Variants in TRPM2 observed in about 807,000 individuals in gnomAD.
TRPM2 encodes estrogen-responsive element-associated gene 1 protein.
Under a neutral mutation model 174.0 loss-of-function variants are expected in TRPM2, and 161 were observed. That is an observed-to-expected ratio of 0.93 (90% CI 0.81 to 1.05). TRPM2 has a LOEUF of 1.05. TRPM2 is among the 50% of genes least tolerant of loss of function. The probability of loss-of-function intolerance (pLI) is 0.00; values close to 1 mark genes in which losing one functional copy is unlikely to be tolerated. For synonymous variants in TRPM2, 954 were observed against 861.3 expected (o/e 1.11, Z -1.88); for missense variants, 2,057 against 2,038.0 (o/e 1.01, Z -0.18).
chr21:44,441,545 C>G, intron 31 of TRPM2, 147 bp from the exon 32 acceptor site: 1 of 1,154,186 alleles, frequency 8.7e-7, no homozygotes, highest in Middle Eastern at 3.0e-4. Flanking sequence ...CTCTGGTGCA[C>G]CTGACGCAGG....
chr21:44,368,687 C>A (rs2048432488), intron 4 of TRPM2, among the ~76,000 whole-genome samples: 1 of 152,142 alleles, frequency 6.6e-6, no homozygotes, highest in Non-Finnish European at 1.5e-5. Flanking sequence ...CCGCCTCGGC[C>A]TCCCAAAGTG....
rs372408072 is a variant in TRPM2 at position 44,382,687 on chromosome 21, G to C, written c.1216-31G>C. 86 of 1,597,926 alleles carry C rather than the reference G, an allele frequency of 5.4e-5. No individual in the cohort carries two copies. In the Middle Eastern group the frequency reaches 1.3e-3, roughly 25 times the overall value. ...AGGAGGCAGGGGTTCAGGAGTCACT[G>C]TGTGTCTCACTTAGAAAATGCTTGT... is the stretch of plus-strand genomic sequence containing the variant. On this transcript the variant is annotated intron_variant, in intron 8 of 31. Coordinates refer to ENST00000397928, the MANE Select transcript of TRPM2 (RefSeq NM_003307.4).
chr21:44,421,482 C>A (rs2838559), intron 22 of TRPM2, among the ~76,000 whole-genome samples: 44,687 of 151,826 alleles, frequency 0.29, 7,867 homozygotes, highest in African/African-American at 0.5. Flanking sequence ...TAAAATATAA[C>A]TTTGCAGGCC....
chr21:44,362,351 A>AAAAAAAAAAG (rs1169576592), intron 2 of TRPM2, among the ~76,000 whole-genome samples: 1 of 147,766 alleles, frequency 6.8e-6, no homozygotes, highest in Non-Finnish European at 1.5e-5. Context: ...AAAAATACAA[A>AAAAAAAAAAG]AAAAAAAAAA....
Position 44,375,931 on chromosome 21 carries a change from G to A in TRPM2, c.870G>A (p.Gly290=). The A allele has an allele frequency of 6.2e-7, 1 of 1,614,130 alleles. No individual in the cohort carries two copies. Among genetic ancestry groups the A allele is most frequent in the Non-Finnish European group, 8.5e-7 (1 of 1,180,020 alleles). The change falls in exon 6 of 32, where the codon GGG becomes GGA. Residue 290 remains glycine (G), a synonymous_variant. Coordinates refer to ENST00000397928, the MANE Select transcript of TRPM2 (RefSeq NM_003307.4). The part of the protein sequence containing the change: ...NHSHFILVDD[G]THGQYGVEIP... Reference sequence around the variant, plus strand: ...CTCACTTCATCCTCGTGGACGACGGGACCCACGGCCAGTACGGGGTGGAGA... The same window carrying A: ...CTCACTTCATCCTCGTGGACGACGGAACCCACGGCCAGTACGGGGTGGAGA...
rs1275969001 is a variant in TRPM2, at chr21:44,376,256, G to A, written c.952+243G>A. On this transcript the variant is annotated intron_variant, in intron 6 of 31. Transcript: ENST00000397928. The surrounding 1 kb of genome is among the most constrained non-coding windows in gnomAD (Gnocchi z 4.2). Reference sequence around the variant, plus strand: ...CACAACCAGGATGTTCATGGTACTCGGAACGTCCTCAGAACACACCTGGGT... The same window carrying A: ...CACAACCAGGATGTTCATGGTACTCAGAACGTCCTCAGAACACACCTGGGT... Among the ~76,000 whole-genome samples the A allele has an allele frequency of 7.2e-5, 11 of 152,162 alleles. No individual in the cohort carries two copies. The East Asian group carries it at 1.3e-3, about 19-fold the overall frequency.
chr21:44,404,257 A>AT (rs2049771082), intron 16 of TRPM2, among the ~76,000 whole-genome samples: 1 of 152,062 alleles, frequency 6.6e-6, no homozygotes, highest in Non-Finnish European at 1.5e-5. Flanking sequence ...ACATGCATAC[A>AT]TACACAATAC....
At chr21:44,397,662 T>G in intron 12 of TRPM2, 85 bp from the exon 13 acceptor site, 1 of 1,443,748 alleles carries the variant, frequency 6.9e-7, no homozygotes, top group South Asian at 1.6e-5. Context: ...GGGCCTCGTT[T>G]TCATCACCTG....
chr21:44,405,557 T>G (rs1270874443), intron 17 of TRPM2, among the ~76,000 whole-genome samples: 1 of 152,120 alleles, frequency 6.6e-6, no homozygotes, highest in Non-Finnish European at 1.5e-5. Context: ...GGCTGCCGCT[T>G]TCTCCCTCTG....
At chr21:44,413,391 C>T (rs527939844) in intron 19 of TRPM2, among the ~76,000 whole-genome samples, 19 of 152,102 alleles carry the variant, frequency 1.2e-4, no homozygotes, top group Non-Finnish European at 2.1e-4. Flanking sequence ...TATAGGCGCC[C>T]GCCACCATGC....
At chr21:44,359,429 C>T (rs2048149676) in intron 2 of TRPM2, among the ~76,000 whole-genome samples, 1 of 151,774 alleles carries the variant, frequency 6.6e-6, no homozygotes, top group African/African-American at 2.4e-5. Flanking sequence ...GGTGCACATC[C>T]GGGAGGAATT....
At position 44,399,222 on chromosome 21, in the gene TRPM2, T is replaced by C. The variant is rs1178559644; in HGVS notation, c.2063-74T>C. The C allele has an allele frequency of 2.6e-6, 4 of 1,534,128 alleles. No homozygotes were observed. The African/African-American group carries it at 5.5e-5, about 21-fold the overall frequency. On this transcript the variant is annotated intron_variant, in intron 13 of 31. Transcript: ENST00000397928. This position sits in a 1 kb window ranked among gnomAD's most constrained non-coding sequence, Gnocchi z 4.6. ...TCCTGGTGGTGCTGTCCCGAGTGGT[T>C]GCCCTCTGACCCGTCCCCAGGGCTC...
At position 44,440,810 on chromosome 21, in the gene TRPM2, G is replaced by A. The variant is rs373263494; in HGVS notation, c.4291G>A (p.Asp1431Asn). Reference protein sequence around the residue: ...GMEVYKGYMDDPRNTDNAWIE... With the variant: ...GMEVYKGYMDNPRNTDNAWIE... Reference sequence around the variant, plus strand: ...CCAGGTGTACAAAGGCTACATGGATGACCCGAGGAACACGGACAATGCCTG... The same window carrying A: ...CCAGGTGTACAAAGGCTACATGGATAACCCGAGGAACACGGACAATGCCTG... The change falls in exon 31 of 32, where the codon GAC becomes AAC. Residue 1431 changes from aspartate to asparagine, a missense_variant. Transcript: ENST00000397928. The A allele has an allele frequency of 2.5e-6, 4 of 1,613,840 alleles. No homozygotes were observed. The highest frequency in any genetic ancestry group is 3.4e-6 in the Non-Finnish European group (4 of 1,179,954).
intron 27 of TRPM2, among the ~76,000 whole-genome samples, chr21:44,434,034 G>A (rs949682156): frequency 9.3e-5 from 14 of 151,278 alleles, no homozygotes; most frequent in African/African-American, 3.4e-4. Context: ...GAGGTGGTCA[G>A]CTGTCCTGGG....
intron 7 of TRPM2, among the ~76,000 whole-genome samples, chr21:44,378,584 G>T (rs2048779254): frequency 6.6e-6 from 1 of 152,198 alleles, no homozygotes; most frequent in African/African-American, 2.4e-5. Flanking sequence ...CTGCCAGACA[G>T]CTTTGTGTCC....
At chr21:44,393,275 A>T (rs1569054864) in intron 11 of TRPM2, among the ~76,000 whole-genome samples, 1 of 142,036 alleles carries the variant, frequency 7.0e-6, no homozygotes. Flanking sequence ...AAGGTTTTAC[A>T]AAGCAAAGCA....
intron 4 of TRPM2, among the ~76,000 whole-genome samples, chr21:44,368,753 G>T (rs1397671320): frequency 1.3e-5 from 2 of 152,170 alleles, no homozygotes; most frequent in African/African-American, 4.8e-5. Flanking sequence ...TCTTACAGGG[G>T]TGGCTGCAAA....
intron 24 of TRPM2, chr21:44,425,142 G>C (rs911506516): frequency 1.7e-6 from 1 of 572,310 alleles, no homozygotes. Context: ...CCCAATCCCT[G>C]ACCTGACCTG....
At chr21:44,417,198 G>A (rs1267071706) in intron 20 of TRPM2, among the ~76,000 whole-genome samples, 28 of 121,882 alleles carry the variant, frequency 2.3e-4, no homozygotes, top group South Asian at 8.8e-4. Flanking sequence ...GCACGTGGGC[G>A]TGGCTCTGCT....
Sources: gnomAD v4.1 joint callset for allele counts (sites outside exome capture counted in the v4.1 genomes callset) on GRCh38, gnomAD v4.1.1 for gene constraint, Gnocchi (gnomAD v3.1) non-coding constraint, MANE v1.5 for transcripts, NCBI Gene and HGNC (gene_info 2026-07-23, HGNC 2026-07-21) for gene names.